The following CRISP1 variants were observed in gnomAD, a reference collection of about 807,000 sequenced individuals.
CRISP1 encodes cysteine rich secretory protein 1.
In CRISP1, 44 loss-of-function variants were observed where a neutral mutation model predicts 33.1. The observed-to-expected ratio is 1.33, with a 90% CI of 1.05 to 1.71. CRISP1 has a LOEUF of 1.71. Ranked by LOEUF, CRISP1 falls within the 40% of genes most tolerant of loss-of-function variation. CRISP1 has a pLI of 0.00. For missense variants in CRISP1, 390 were observed against 301.2 expected, an observed-to-expected ratio of 1.29 and a Z score of -2.18; for synonymous variants, 103 against 98.7, an observed-to-expected ratio of 1.04 and a Z score of -0.26.
In CRISP1 at chr6:49,861,325, T is replaced by G. The variant is rs748498566; in HGVS notation, c.-2-3923A>C. Among the ~76,000 whole-genome samples the G allele has an allele frequency of 3.4e-4, 51 of 152,116 alleles. No individual in the cohort carries two copies. In the Middle Eastern group the frequency reaches 0.01, roughly 30 times the overall value. ...TATAGGCCAATATCCCTGATGAACA[T>G]AGATGCAAAGTTCCTTAAAAAAATA... On this transcript the variant is annotated intron_variant, in intron 1 of 7. Coordinates refer to ENST00000335847, the MANE Select transcript of CRISP1 (RefSeq NM_001131.3).
chr6:49,838,458 T>TA lies in CRISP1; in HGVS notation c.600dup (p.Asn201Ter). ...TTACTGCAAAGTTTGTCTTCACAGT[T>TA]ACTTGGGCAGGCTTCACATGGGACG... is the stretch of plus-strand genomic sequence containing the variant. On this transcript the variant is annotated frameshift_variant, in exon 7 of 8. Coordinates refer to ENST00000335847, the MANE Select transcript of CRISP1 (RefSeq NM_001131.3). LOFTEE classifies it high-confidence loss of function. The TA allele has an allele frequency of 6.2e-7, 1 of 1,613,372 alleles. No individual in the cohort carries two copies. Among genetic ancestry groups the TA allele is most frequent in the Middle Eastern group, 1.7e-4 (1 of 6,060 alleles).
upstream of CRISP1, among the ~76,000 whole-genome samples, chr6:49,870,744 C>G (rs1485479933): frequency 1.3e-5 from 2 of 152,092 alleles, no homozygotes; most frequent in Non-Finnish European, 2.9e-5. Context: ...GTTTTCTGCT[C>G]CAAATTAATC....
At chr6:49,874,762 A>G (rs1434068749) in intron 1 of CRISP1, among the ~76,000 whole-genome samples, 1 of 152,098 alleles carries the variant, frequency 6.6e-6, no homozygotes, top group East Asian at 1.9e-4. Context: ...TATGCAAATC[A>G]ATAAATGTGA....
At chr6:49,861,841 T>C (rs1219943628) in intron 1 of CRISP1, among the ~76,000 whole-genome samples, 1 of 151,654 alleles carries the variant, frequency 6.6e-6, no homozygotes, top group Non-Finnish European at 1.5e-5. Context: ...GCCAAGATCA[T>C]GCCATTGCGC....
chr6:49,838,272 T>C (rs12200099), intron 7 of CRISP1, among the ~76,000 whole-genome samples, 165 bp downstream of exon 7: 50,419 of 152,046 alleles, frequency 0.33, 9,174 homozygotes, highest in Non-Finnish European at 0.41. Flanking sequence ...AATCAATGGT[T>C]TTCAGTCACT....
intron 1 of CRISP1, among the ~76,000 whole-genome samples, chr6:49,873,679 T>C (rs1439385449): frequency 6.6e-6 from 1 of 152,136 alleles, no homozygotes; most frequent in African/African-American, 2.4e-5. Flanking sequence ...TTATTATTTC[T>C]TTCAAGATTA....
At chr6:49,852,230 A>T (rs1771370262) in intron 2 of CRISP1, 101 bp from the exon 3 acceptor site, 1 of 1,052,918 alleles carries the variant, frequency 9.5e-7, no homozygotes, top group East Asian at 2.5e-5. Flanking sequence ...AGTTTATATT[A>T]AACAGTGATT....
chr6:49,853,459 C>T (rs1156325497), intron 2 of CRISP1, among the ~76,000 whole-genome samples: 1 of 152,110 alleles, frequency 6.6e-6, no homozygotes, highest in Non-Finnish European at 1.5e-5. Context: ...TGAATCCAAC[C>T]CTTTGATGTC....
chr6:49,851,110 G>A (rs2127473849), intron 3 of CRISP1, among the ~76,000 whole-genome samples: 1 of 152,268 alleles, frequency 6.6e-6, no homozygotes, highest in East Asian at 1.9e-4. Flanking sequence ...GAAAGCTATT[G>A]ATTTTTATTT....
chr6:49,837,129 T>A (rs1770825938), intron 7 of CRISP1, among the ~76,000 whole-genome samples: 1 of 152,144 alleles, frequency 6.6e-6, no homozygotes, highest in African/African-American at 2.4e-5. Context: ...TTGAATTACA[T>A]TAAATGAATT....
chr6:49,843,552 T>C (rs1463940353), intron 5 of CRISP1, among the ~76,000 whole-genome samples: 1 of 152,208 alleles, frequency 6.6e-6, no homozygotes, highest in Non-Finnish European at 1.5e-5. Flanking sequence ...ACTCTAATCT[T>C]GGACTTCCAG....
chr6:49,841,410 A>G (rs1415881572), intron 5 of CRISP1, among the ~76,000 whole-genome samples: 2 of 152,174 alleles, frequency 1.3e-5, no homozygotes, highest in Non-Finnish European at 1.5e-5. Context: ...TCATTTTGCT[A>G]TGAACAGGCT....
chr6:49,834,733 G>T lies in CRISP1; in HGVS notation c.*583C>A, dbSNP rs1267609841. ...GAATACATATTTTGTTAAATTAATG[G>T]CATACGAAGCTTTTTTATTGTTTCT... On this transcript the variant is annotated 3_prime_UTR_variant, in exon 8 of 8. Coordinates refer to ENST00000335847, the MANE Select transcript of CRISP1 (RefSeq NM_001131.3). The T allele has an allele frequency of 1.3e-5, 2 of 151,912 alleles. No individual in the cohort carries two copies. The highest frequency in any genetic ancestry group is 2.9e-5 in the Non-Finnish European group (2 of 68,004). 9.4% of individuals were successfully genotyped at this position (151,912 alleles called of 1,614,324 possible). A position where few individuals can be genotyped will look rare whatever the true frequency, so the allele number is the denominator to read the frequency against.
intron 3 of CRISP1, among the ~76,000 whole-genome samples, chr6:49,848,822 AAAAT>A (rs1356655060): frequency 1.3e-5 from 2 of 152,162 alleles, no homozygotes; most frequent in Non-Finnish European, 2.9e-5. Context: ...ATGAATAACA[AAAAT>A]AAAAGCTAAC....
At chr6:49,848,881 C>T (rs1404993492) in intron 3 of CRISP1, among the ~76,000 whole-genome samples, 1 of 151,986 alleles carries the variant, frequency 6.6e-6, no homozygotes, top group African/African-American at 2.4e-5. Flanking sequence ...TATCTTCTCT[C>T]ACTTTAACCT....
chr6:49,840,980 A>T lies in CRISP1; in HGVS notation c.451T>A (p.Ser151Thr), dbSNP rs1198975238. The change falls in exon 6 of 8, where the codon TCT becomes ACT. Residue 151 changes from serine (S) to threonine (T), a missense_variant. Coordinates refer to ENST00000335847, the MANE Select transcript of CRISP1 (RefSeq NM_001131.3). The stretch of plus-strand genomic sequence containing the variant: ...GCAATGGCACAGCCAATCAGGTAAG[A>T]TGTGGCCCAAACAATCTGCAATGAT... ...DHYTQIVWAT[S>T]YLIGCAIASC... 2 of 1,613,690 alleles carry T rather than the reference A, an allele frequency of 1.2e-6. No homozygotes were observed. Among genetic ancestry groups the T allele is most frequent in the Non-Finnish European group, 1.7e-6 (2 of 1,179,782 alleles).
intron 5 of CRISP1, among the ~76,000 whole-genome samples, chr6:49,843,198 A>G (rs1434422615): frequency 6.6e-6 from 1 of 152,180 alleles, no homozygotes; most frequent in Non-Finnish European, 1.5e-5. Flanking sequence ...TTGTATTTTT[A>G]TCCTTTAATC....
chr6:49,839,492 A>G (rs1770915896), intron 6 of CRISP1, among the ~76,000 whole-genome samples: 1 of 152,048 alleles, frequency 6.6e-6, no homozygotes, highest in African/African-American at 2.4e-5. Flanking sequence ...TTACCCATGT[A>G]TGTCTAAAAA....
chr6:49,846,858 T>C (rs749100169), intron 4 of CRISP1, among the ~76,000 whole-genome samples, 190 bp from the exon 5 acceptor site: 30 of 152,106 alleles, frequency 2.0e-4, no homozygotes, highest in Non-Finnish European at 3.8e-4. Flanking sequence ...GTACTCAAGT[T>C]TGGTGAAACG....
Sources: allele counts gnomAD v4.1 joint callset (sites outside exome capture counted in the v4.1 genomes callset), GRCh38; gene constraint gnomAD v4.1.1; transcripts MANE v1.5; gene names NCBI Gene and HGNC (gene_info 2026-07-23, HGNC 2026-07-21).